LPAR1: variants seen among roughly 807,000 people sequenced by gnomAD.
The protein encoded by LPAR1 is LPA receptor 1.
Under a neutral mutation model 23.8 loss-of-function variants are expected in LPAR1, and 5 were observed. That is an observed-to-expected ratio of 0.21 (90% CI 0.11 to 0.44). The LOEUF is 0.44. Ranked by LOEUF, LPAR1 falls within the 20% of genes least tolerant of loss-of-function variation. The probability of loss-of-function intolerance (pLI) is 0.99; values close to 1 mark genes in which losing one functional copy is unlikely to be tolerated. For missense variants in LPAR1, 311 were observed against 482.8 expected, an observed-to-expected ratio of 0.64 and a Z score of 3.33; for synonymous variants, 160 against 164.7, an observed-to-expected ratio of 0.97 and a Z score of 0.22.
intron 5 of LPAR1, among the ~76,000 whole-genome samples, chr9:110,912,706 G>A (rs1054065541): frequency 1.2e-4 from 18 of 152,240 alleles, no homozygotes; most frequent in Admixed American, 5.2e-4. Context: ...TGGAGACAGC[G>A]TCTCCATATT....
chr9:110,920,684 C>T (rs1465493585), intron 5 of LPAR1, among the ~76,000 whole-genome samples: 1 of 152,182 alleles, frequency 6.6e-6, no homozygotes, highest in African/African-American at 2.4e-5. Flanking sequence ...CTAGCAAATA[C>T]TTAATTTCCT....
chr9:110,926,257 G>C (rs117585558), intron 5 of LPAR1, among the ~76,000 whole-genome samples: 61 of 152,270 alleles, frequency 4.0e-4, no homozygotes, highest in Non-Finnish European at 6.8e-4. Flanking sequence ...ATGTGAGTCC[G>C]ACTCCCAAGC....
At chr9:111,017,683 T>G (rs1363132270) in intron 2 of LPAR1, among the ~76,000 whole-genome samples, 3 of 152,218 alleles carry the variant, frequency 2.0e-5, no homozygotes, top group African/African-American at 7.2e-5. Context: ...AGAAGTATAC[T>G]CATCAGGAAT....
chr9:110,929,698 A>ATG (rs71371696), intron 5 of LPAR1, among the ~76,000 whole-genome samples: 6,987 of 146,226 alleles, frequency 0.048, 365 homozygotes, highest in African/African-American at 0.14. Flanking sequence ...CCAGCCAATA[A>ATG]TGTGTGTGTG....
intron 5 of LPAR1, among the ~76,000 whole-genome samples, chr9:110,897,370 T>TCCTCCACGATTGTGTGGCCTC (rs2086784634): frequency 6.6e-6 from 1 of 152,146 alleles, no homozygotes; most frequent in Non-Finnish European, 1.5e-5. Flanking sequence ...CTCCTTGCCT[T>TCCTCCACGATTGTGTGGCCTC]CCTCCACGAT....
chr9:110,940,410 T>C (rs1588441870), intron 5 of LPAR1, among the ~76,000 whole-genome samples: 1 of 152,176 alleles, frequency 6.6e-6, no homozygotes, highest in African/African-American at 2.4e-5. Flanking sequence ...GCTATATAAA[T>C]TGGAGCACAG....
chr9:111,015,931 G>A (rs1253127526), intron 2 of LPAR1, among the ~76,000 whole-genome samples: 5 of 151,526 alleles, frequency 3.3e-5, no homozygotes, highest in East Asian at 1.9e-4. Flanking sequence ...CCTCATGCAC[G>A]GCAAACTGAG....
intron 2 of LPAR1, among the ~76,000 whole-genome samples, chr9:111,034,986 C>G (rs71501657): frequency 0.012 from 1,815 of 152,256 alleles, 25 homozygotes; most frequent in Admixed American, 0.021. Context: ...TCTCCATTCC[C>G]TGGCATGCCA....
chr9:110,878,990 C>A (rs1564343880), intron 5 of LPAR1, among the ~76,000 whole-genome samples: 1 of 152,040 alleles, frequency 6.6e-6, no homozygotes, highest in Non-Finnish European at 1.5e-5. Flanking sequence ...CATCACCTAC[C>A]AAGATGGGGA....
At chr9:110,877,459 A>G (rs534278377) in intron 5 of LPAR1, among the ~76,000 whole-genome samples, 2 of 152,344 alleles carry the variant, frequency 1.3e-5, no homozygotes, top group African/African-American at 4.8e-5. Flanking sequence ...AATGTTAATA[A>G]AGCATTCATT....
chr9:111,014,944 G>C (rs1013604065), intron 2 of LPAR1, among the ~76,000 whole-genome samples: 6 of 151,794 alleles, frequency 4.0e-5, no homozygotes, highest in African/African-American at 1.5e-4. Flanking sequence ...TTTGGAGCCA[G>C]GGTCTATAAA....
At chr9:110,899,155 T>C (rs1333691518) in intron 5 of LPAR1, among the ~76,000 whole-genome samples, 1 of 152,198 alleles carries the variant, frequency 6.6e-6, no homozygotes, top group African/African-American at 2.4e-5. Context: ...AATCAGAATA[T>C]AGGATATTTA....
chr9:110,888,779 G>A (rs937162195), intron 5 of LPAR1, among the ~76,000 whole-genome samples: 1 of 152,128 alleles, frequency 6.6e-6, no homozygotes, highest in African/African-American at 2.4e-5. Flanking sequence ...GGAAGGTGGA[G>A]ATCATAGACA....
chr9:110,998,062 TG>T (rs1159999472), intron 2 of LPAR1, among the ~76,000 whole-genome samples: 3 of 152,176 alleles, frequency 2.0e-5, no homozygotes, highest in Non-Finnish European at 1.5e-5. Context: ...TCAGTAGGTC[TG>T]GGGTGGATCC....
intron 2 of LPAR1, among the ~76,000 whole-genome samples, chr9:110,990,833 C>G (rs1009735547): frequency 6.6e-6 from 1 of 151,854 alleles, no homozygotes; most frequent in South Asian, 2.1e-4. Context: ...CCAGATTAGT[C>G]GAGAAAAAAG....
chr9:110,961,564 G>C (rs1367663978), intron 4 of LPAR1, among the ~76,000 whole-genome samples: 1 of 132,748 alleles, frequency 7.5e-6, no homozygotes, highest in African/African-American at 2.9e-5. Context: ...AGGTTGCAGT[G>C]AACTGTGATC....
chr9:110,890,419 A>T (rs1344412631), intron 5 of LPAR1, among the ~76,000 whole-genome samples: 1 of 152,266 alleles, frequency 6.6e-6, no homozygotes, highest in South Asian at 2.1e-4. Context: ...ATTAACATTT[A>T]AAAAAAATTC....
At chr9:110,952,001 A>C (rs1435688548) in intron 4 of LPAR1, among the ~76,000 whole-genome samples, 1 of 152,244 alleles carries the variant, frequency 6.6e-6, no homozygotes, top group Non-Finnish European at 1.5e-5. Context: ...AATATTAAAA[A>C]CTTGCAGAAG....
chr9:110,900,346 A>AT (rs1435852643), intron 5 of LPAR1, among the ~76,000 whole-genome samples: 1 of 152,196 alleles, frequency 6.6e-6, no homozygotes, highest in Admixed American at 6.5e-5. Flanking sequence ...ACTTAGTCAC[A>AT]TCTGAAAAGT....
Sources: gnomAD v4.1 joint callset for allele counts (sites outside exome capture counted in the v4.1 genomes callset) on GRCh38, gnomAD v4.1.1 for gene constraint, MANE v1.5 for transcripts, NCBI Gene and HGNC (gene_info 2026-07-23, HGNC 2026-07-21) for gene names.